PDE8B: variants seen among roughly 807,000 people sequenced by gnomAD.
PDE8B encodes phosphodiesterase 8B, also known as high affinity cAMP-specific and IBMX-insensitive 3',5'-cyclic phosphodiesterase 8B.
Under a neutral mutation model 101.3 loss-of-function variants are expected in PDE8B, and 26 were observed. The ratio of observed to expected loss-of-function variants is 0.26; its 90% CI spans 0.19 to 0.36. PDE8B has a LOEUF of 0.36. Ranked by LOEUF, PDE8B falls within the 10% of genes least tolerant of loss-of-function variation. The pLI, the probability that PDE8B is intolerant of heterozygous loss-of-function variation, is 1.00. For synonymous variants in PDE8B, 424 were observed against 429.3 expected (o/e 0.99, Z 0.15); for missense variants, 810 against 1,163.1 (o/e 0.70, Z 4.42).
At position 77,211,249 on chromosome 5, in the gene PDE8B, C is replaced by T. The variant is rs1394162550; in HGVS notation, c.324C>T (p.Cys108=). ...GCGCCGAGGCCGAGACTCAGACCTG[C>T]TACACCAGCGTGAAGGTAAATGCCC... ...CSSAEAETQT[C]YTSVKQVSSA... The change falls in exon 1 of 22, where the codon TGC becomes TGT. Residue 108 remains cysteine, a synonymous_variant. Transcript: ENST00000264917. The surrounding 1 kb of genome is among the most constrained non-coding windows in gnomAD (Gnocchi z 4.1). 1 of 1,574,906 alleles carries T rather than the reference C, an allele frequency of 6.3e-7. No individual in the cohort carries two copies. Among genetic ancestry groups the T allele is most frequent in the South Asian group, 1.1e-5 (1 of 87,774 alleles).
chr5:77,290,633 T>C, intron 1 of PDE8B: 4 of 1,510,352 alleles, frequency 2.6e-6, no homozygotes, highest in Non-Finnish European at 2.8e-6. Context: ...TTCAGGAGTA[T>C]GTGGATATCT....
At position 77,378,046 on chromosome 5, in the gene PDE8B, A is replaced by ACACACC. The variant is rs1554093112; in HGVS notation, c.1168-22199_1168-22198insACCCAC. ...CACACACACACACACACACACACAC[A>ACACACC]CACCCCCTGTTGGTTCTTTGTCTAG... On this transcript the variant is annotated intron_variant, in intron 10 of 21. Transcript: ENST00000264917. 4.7e-3 allele frequency among the ~76,000 whole-genome samples: 472 copies of ACACACC among 99,560 alleles called. 23 individuals carry two copies. The East Asian group carries it at 0.094, about 20-fold the overall frequency. 65.3% of individuals were successfully genotyped at this position (99,560 alleles called of 152,430 possible).
the PDE8B span, chr5:77,114,119 T>C: frequency 1.3e-5 from 2 of 152,222 alleles, no homozygotes; most frequent in African/African-American, 4.8e-5. Context: ...CTTAAGGATC[T>C]AGAACTAGAA....
rs1185778921 is a variant in PDE8B, at chr5:77,211,105, A to C, written c.180A>C (p.Gly60=). 6.7e-7 allele frequency: 1 copy of C among 1,491,142 alleles called. No homozygotes were observed. The highest frequency in any genetic ancestry group is 1.5e-5 in the African/African-American group (1 of 68,334). The allele number at this position is 1,491,142 out of a possible 1,614,324, so 92.4% of individuals were successfully genotyped here. Residue 60 remains glycine (G), a synonymous_variant, in exon 1 of 22, where the codon GGA becomes GGC. Transcript: ENST00000264917. This position sits in a 1 kb window ranked among gnomAD's most constrained non-coding sequence, Gnocchi z 4.1. ...ADAIPPSRAS[G]PPSVARVRRA... ...CCATCCCCCCGAGCCGCGCGTCGGG[A>C]CCCCCCAGCGTAGCCCGCGTCCGCA...
chr5:77,160,978 G>A, the PDE8B span, among the ~76,000 whole-genome samples: 1 of 152,052 alleles, frequency 6.6e-6, no homozygotes, highest in Non-Finnish European at 1.5e-5. Flanking sequence ...AGAGTTCTTT[G>A]CATATTACAA....
At chr5:77,244,225 A>C (rs1016461949) in intron 1 of PDE8B, among the ~76,000 whole-genome samples, 1 of 152,154 alleles carries the variant, frequency 6.6e-6, no homozygotes, top group Non-Finnish European at 1.5e-5. Flanking sequence ...AACCGGTGGC[A>C]GCAGACCTCT....
At chr5:77,357,428 C>A (rs1483611188) in intron 10 of PDE8B, among the ~76,000 whole-genome samples, 1 of 152,186 alleles carries the variant, frequency 6.6e-6, no homozygotes, top group African/African-American at 2.4e-5. Flanking sequence ...AAATGACCTC[C>A]TGCCCTTTTG....
intron 1 of PDE8B, among the ~76,000 whole-genome samples, chr5:77,283,113 A>T (rs763596971): frequency 1.6e-4 from 24 of 152,226 alleles, no homozygotes; most frequent in Admixed American, 2.6e-4. Flanking sequence ...TACGTCTTTT[A>T]CATTATGTAA....
chr5:77,203,446 T>C, the PDE8B span, among the ~76,000 whole-genome samples: 16 of 152,254 alleles, frequency 1.1e-4, no homozygotes, highest in African/African-American at 3.9e-4. Flanking sequence ...TACTTCTTCG[T>C]ATCCCTCACA....
At chr5:77,180,876 C>G in the PDE8B span, among the ~76,000 whole-genome samples, 1 of 152,144 alleles carries the variant, frequency 6.6e-6, no homozygotes, top group Non-Finnish European at 1.5e-5. Context: ...CGGTGGGGCC[C>G]CTGCATTCCT....
chr5:77,420,706 G>A (rs1406268464), intron 19 of PDE8B, among the ~76,000 whole-genome samples: 3 of 152,084 alleles, frequency 2.0e-5, no homozygotes, highest in Non-Finnish European at 4.4e-5. Context: ...CAACACCAGA[G>A]CCCTCTCCTT....
intron 1 of PDE8B, among the ~76,000 whole-genome samples, chr5:77,272,742 C>G (rs1407184216): frequency 6.6e-6 from 1 of 152,098 alleles, no homozygotes; most frequent in African/African-American, 2.4e-5. Flanking sequence ...GAGTAGAACA[C>G]ATGGTTCAGA....
the PDE8B span, among the ~76,000 whole-genome samples, chr5:77,167,424 G>C: frequency 6.6e-6 from 1 of 152,204 alleles, no homozygotes; most frequent in Non-Finnish European, 1.5e-5. Context: ...GGGAGTGTTT[G>C]CATTACAAAA....
the PDE8B span, among the ~76,000 whole-genome samples, chr5:77,200,405 C>A: frequency 6.6e-6 from 1 of 152,162 alleles, no homozygotes; most frequent in African/African-American, 2.4e-5. Flanking sequence ...GCCTCTCCTT[C>A]CCCTAGCCCC....
chr5:77,421,581 A>T (rs879798655), intron 19 of PDE8B, among the ~76,000 whole-genome samples: 1 of 141,034 alleles, frequency 7.1e-6, no homozygotes, highest in African/African-American at 2.5e-5. Context: ...GGGACTTTCA[A>T]CTTTCAAACT....
At chr5:77,388,615 T>C (rs1309575588) in intron 10 of PDE8B, among the ~76,000 whole-genome samples, 1 of 152,186 alleles carries the variant, frequency 6.6e-6, no homozygotes, top group African/African-American at 2.4e-5. Context: ...GGAGATCCGC[T>C]GCTCTCCTCA....
intron 20 of PDE8B, among the ~76,000 whole-genome samples, chr5:77,425,277 G>A (rs1420854094): frequency 1.3e-5 from 2 of 152,148 alleles, no homozygotes; most frequent in Non-Finnish European, 2.9e-5. Flanking sequence ...AAAGAGGCTT[G>A]GGGCCAGGCA....
At chr5:77,348,292 C>T (rs1401694807) in intron 7 of PDE8B, among the ~76,000 whole-genome samples, 1 of 152,174 alleles carries the variant, frequency 6.6e-6, no homozygotes, top group African/African-American at 2.4e-5. Context: ...TACATTTTCC[C>T]GACATTCTTC....
chr5:77,218,870 T>C (rs1021967428), intron 1 of PDE8B, among the ~76,000 whole-genome samples: 24 of 152,188 alleles, frequency 1.6e-4, no homozygotes, highest in African/African-American at 5.8e-4. Flanking sequence ...TTTTGAAACA[T>C]GTAATTTTTT....
Sources: allele counts gnomAD v4.1 joint callset (sites outside exome capture counted in the v4.1 genomes callset), GRCh38; gene constraint gnomAD v4.1.1; non-coding constraint Gnocchi (gnomAD v3.1); transcripts MANE v1.5; gene names NCBI Gene and HGNC (gene_info 2026-07-23, HGNC 2026-07-21).